RASA3: variants seen among roughly 807,000 people sequenced by gnomAD.
The protein encoded by RASA3 is ras GTPase-activating protein 3.
RASA3 carries 73 observed loss-of-function variants against 110.0 expected under a neutral mutation model. That is an observed-to-expected ratio of 0.66 (90% CI 0.55 to 0.81). The LOEUF (loss-of-function observed/expected upper bound fraction) is 0.81, where lower values mean the gene tolerates loss of function less well. RASA3 is among the 30% of genes least tolerant of loss of function. The pLI, the probability that RASA3 is intolerant of heterozygous loss-of-function variation, is 0.00. For synonymous variants in RASA3, 500 were observed against 451.4 expected, an observed-to-expected ratio of 1.11 and a Z score of -1.37; for missense variants, 976 against 1,113.2, an observed-to-expected ratio of 0.88 and a Z score of 1.75.
At position 113,997,131 on chromosome 13, in the gene RASA3, G is replaced by A. The variant is rs1462741460; in HGVS notation, c.1933-392C>T. Among the ~76,000 whole-genome samples, 9 of 152,348 alleles carry A rather than the reference G, an allele frequency of 5.9e-5. 1 individual carries two copies. The South Asian group carries it at 8.3e-4, about 14-fold the overall frequency. ...AGCTGACTGCAGGCATCCCATCCAC[G>A]TGGTGCTCGTGCTGTGTCAGCCCAG... On this transcript the variant is annotated intron_variant, in intron 20 of 23. Coordinates refer to ENST00000334062, the MANE Select transcript of RASA3 (RefSeq NM_007368.4).
intron 18 of RASA3, among the ~76,000 whole-genome samples, chr13:114,001,874 C>T (rs1309171583): frequency 6.6e-6 from 1 of 152,278 alleles, no homozygotes; most frequent in Non-Finnish European, 1.5e-5. Flanking sequence ...CCTGCCCCCT[C>T]AGGGCCAGCC....
chr13:114,057,017 C>T lies in RASA3; in HGVS notation c.174-4862G>A, dbSNP rs1043245909. ...CTGTTGTCCTTGGGAACCACGGGTCCCCCCTCCTGAAGAAGGGGAACGTCA... is the reference window on the plus strand; with the variant it reads ...CTGTTGTCCTTGGGAACCACGGGTCTCCCCTCCTGAAGAAGGGGAACGTCA... On this transcript the variant is annotated intron_variant, in intron 2 of 23. Coordinates refer to ENST00000334062, the MANE Select transcript of RASA3 (RefSeq NM_007368.4). The surrounding 1 kb of genome is among the most constrained non-coding windows in gnomAD (Gnocchi z 5.0). Among the ~76,000 whole-genome samples, 3 of 152,090 alleles carry T rather than the reference C, an allele frequency of 2.0e-5. No individual in the cohort carries two copies. Among genetic ancestry groups the T allele is most frequent in the Admixed American group, 2.0e-4 (3 of 15,286 alleles).
chr13:114,005,361 G>A (rs761056992), intron 18 of RASA3, among the ~76,000 whole-genome samples: 7 of 152,254 alleles, frequency 4.6e-5, no homozygotes, highest in Non-Finnish European at 1.0e-4. Flanking sequence ...TGTCAGTTAT[G>A]TAAGGAAGGT....
chr13:114,031,195 GTGTC>G (rs940259830), intron 4 of RASA3, among the ~76,000 whole-genome samples: 3 of 151,532 alleles, frequency 2.0e-5, no homozygotes, highest in African/African-American at 7.3e-5. Context: ...ATGTGGCTAT[GTGTC>G]TGTGTGGGCG....
intron 22 of RASA3, among the ~76,000 whole-genome samples, chr13:113,990,466 C>T (rs1353092341): frequency 3.3e-5 from 5 of 152,194 alleles, no homozygotes; most frequent in Non-Finnish European, 7.3e-5. Context: ...GAACCTGGGT[C>T]TTGTGTGTGA....
chr13:114,002,672 T>C (rs1305379137), intron 18 of RASA3, among the ~76,000 whole-genome samples: 1 of 152,210 alleles, frequency 6.6e-6, no homozygotes, highest in Non-Finnish European at 1.5e-5. Context: ...TGGATGAGGC[T>C]GCATGTGAAT....
chr13:114,027,838 G>A lies in RASA3; in HGVS notation c.530+9C>T, dbSNP rs748820520. The A allele has an allele frequency of 1.9e-6, 3 of 1,613,098 alleles. No individual in the cohort carries two copies. The highest frequency in any genetic ancestry group is 2.5e-6 in the Non-Finnish European group (3 of 1,179,408). On this transcript the variant is annotated intron_variant, in intron 6 of 23. Coordinates refer to ENST00000334062, the MANE Select transcript of RASA3 (RefSeq NM_007368.4). Reference sequence around the variant, plus strand: ...CCAGAACAGAAACCTGAAGCGTGAGGCAACTTGCCTGAAGGGTCCTGCCAG... The same window carrying A: ...CCAGAACAGAAACCTGAAGCGTGAGACAACTTGCCTGAAGGGTCCTGCCAG...
chr13:113,978,678 C>T lies in RASA3; in HGVS notation c.*669G>A, dbSNP rs1049345684. The T allele has an allele frequency of 6.6e-6, 1 of 152,390 alleles. No homozygotes were observed. The highest frequency in any genetic ancestry group is 1.5e-5 in the Non-Finnish European group (1 of 68,228). 9.4% of individuals were successfully genotyped at this position (152,390 alleles called of 1,614,324 possible). ...CCTCCAAGGGACTCTGTGGACAGAA[C>T]CCGTATCCCCCAAGCACCAAGGACA... On this transcript the variant is annotated 3_prime_UTR_variant, in exon 24 of 24. Transcript: ENST00000334062.
Position 113,992,027 on chromosome 13 carries a change from CCA to C in RASA3, c.2245+456_2245+457del, listed in dbSNP as rs375012776. ...CTCACACATGTCCACATTCACACAT[CCA>C]CACTCATACATGTCATGTCCACACA... is the stretch of plus-strand genomic sequence containing the variant. On this transcript the variant is annotated intron_variant, in intron 22 of 23. Coordinates refer to ENST00000334062, the MANE Select transcript of RASA3 (RefSeq NM_007368.4). Among the ~76,000 whole-genome samples, 534 of 151,674 alleles carry C rather than the reference CCA, an allele frequency of 3.5e-3. 4 individuals carry two copies. The highest frequency in any genetic ancestry group is 0.018 in the South Asian group (87 of 4,760).
chr13:114,017,925 CA>C (rs11296653), intron 11 of RASA3, among the ~76,000 whole-genome samples, 178 bp downstream of exon 11: 1,675 of 121,452 alleles, frequency 0.014, 38 homozygotes, highest in East Asian at 0.088. Flanking sequence ...ATGGGACTTT[CA>C]AAAAAAAAAA....
At chr13:114,042,251 T>A (rs113443399) in intron 3 of RASA3, among the ~76,000 whole-genome samples, 5 of 148,414 alleles carry the variant, frequency 3.4e-5, no homozygotes, top group African/African-American at 1.2e-4. Flanking sequence ...CGTCCCTTCA[T>A]GGCACCACCA....
intron 1 of RASA3, among the ~76,000 whole-genome samples, chr13:114,103,259 G>GCCAGCCCCAGC (rs2080082666): frequency 6.6e-6 from 1 of 152,102 alleles, no homozygotes; most frequent in Non-Finnish European, 1.5e-5. Flanking sequence ...AGTCGGGAGA[G>GCCAGCCCCAGC]ATGCCCAAGA....
In RASA3 at chr13:114,036,540, T is replaced by A. The variant is rs553449409; in HGVS notation, c.372+4460A>T. Among the ~76,000 whole-genome samples, 3 of 152,188 alleles carry A rather than the reference T, an allele frequency of 2.0e-5. No individual in the cohort carries two copies. The South Asian group carries it at 6.2e-4, about 32-fold the overall frequency. ...GGAGTTGTGGGGTTTTTTTTCTTCTTCTTCTTCTTTTTTTGAGATGGAGTT... is the reference window on the plus strand; with the variant it reads ...GGAGTTGTGGGGTTTTTTTTCTTCTACTTCTTCTTTTTTTGAGATGGAGTT... On this transcript the variant is annotated intron_variant, in intron 4 of 23. Coordinates refer to ENST00000334062, the MANE Select transcript of RASA3 (RefSeq NM_007368.4).
rs2080232072 is a variant in RASA3, at chr13:114,112,471, T to C, written c.55+19964A>G. Among the ~76,000 whole-genome samples the C allele has an allele frequency of 3.3e-5, 5 of 152,120 alleles. No individual in the cohort carries two copies. Among genetic ancestry groups the C allele is most frequent in the Admixed American group, 3.3e-4 (5 of 15,282 alleles). ...ACACTCTTTAGACCGGGGTCTCAGA[T>C]TTCAGCCGGACGGGAACTCTCTGCA... On this transcript the variant is annotated intron_variant, in intron 1 of 23. Coordinates refer to ENST00000334062, the MANE Select transcript of RASA3 (RefSeq NM_007368.4). This position sits in a 1 kb window ranked among gnomAD's most constrained non-coding sequence, Gnocchi z 4.8.
chr13:114,023,857 G>A (rs2053977457), intron 8 of RASA3, among the ~76,000 whole-genome samples: 1 of 152,244 alleles, frequency 6.6e-6, no homozygotes, highest in Non-Finnish European at 1.5e-5. Context: ...GGTCTCCACA[G>A]AGGCCACCCA....
intron 1 of RASA3, among the ~76,000 whole-genome samples, chr13:114,105,694 C>G (rs2080124301): frequency 6.6e-6 from 1 of 152,226 alleles, no homozygotes; most frequent in Admixed American, 6.5e-5. Flanking sequence ...CACAGCATTC[C>G]AGAAACGACA....
chr13:114,101,992 C>A (rs1343829339), intron 1 of RASA3, among the ~76,000 whole-genome samples: 1 of 152,190 alleles, frequency 6.6e-6, no homozygotes, highest in East Asian at 1.9e-4. Context: ...AAGGACCCCA[C>A]AAGCGACGTC....
intron 21 of RASA3, among the ~76,000 whole-genome samples, chr13:113,993,806 T>TAAAAAAAAAAAAA (rs35450759): frequency 5.8e-5 from 5 of 85,588 alleles, no homozygotes; most frequent in African/African-American, 1.8e-4. Flanking sequence ...AGACTCTGCC[T>TAAAAAAAAAAAAA]AAAAAAAAAA....
At chr13:114,125,598 G>C (rs541534604) in intron 1 of RASA3, among the ~76,000 whole-genome samples, 2 of 152,284 alleles carry the variant, frequency 1.3e-5, no homozygotes, top group African/African-American at 4.8e-5. Flanking sequence ...GTGACAGTTC[G>C]ACAGGAGATT....
Sources: allele counts gnomAD v4.1 joint callset (sites outside exome capture counted in the v4.1 genomes callset), GRCh38; gene constraint gnomAD v4.1.1; non-coding constraint Gnocchi (gnomAD v3.1); transcripts MANE v1.5; gene names NCBI Gene and HGNC (gene_info 2026-07-23, HGNC 2026-07-21).